The following UNC13B variants were observed in gnomAD, a reference collection of about 807,000 sequenced individuals.
UNC13B encodes the protein protein unc-13 homolog B.
Under a neutral mutation model 211.0 loss-of-function variants are expected in UNC13B, and 144 were observed. The ratio of observed to expected loss-of-function variants is 0.68; its 90% CI spans 0.60 to 0.78. The LOEUF (loss-of-function observed/expected upper bound fraction) is 0.78. Among genes scored for constraint, UNC13B ranks in the 30% least tolerant of loss-of-function variants. The pLI is 0.00. For missense variants in UNC13B, 1,777 were observed against 2,002.0 expected (o/e 0.89, Z 2.14); for synonymous variants, 709 against 725.8 (o/e 0.98, Z 0.37).
At chr9:35,376,573 C>A (rs979246314) in intron 15 of UNC13B, among the ~76,000 whole-genome samples, 3 of 152,166 alleles carry the variant, frequency 2.0e-5, no homozygotes, top group African/African-American at 7.2e-5. Flanking sequence ...GTCCAAATGA[C>A]AAAAGCATCA....
At chr9:35,298,148 G>GTGAC (rs1236619595) in intron 8 of UNC13B, among the ~76,000 whole-genome samples, 1 of 152,196 alleles carries the variant, frequency 6.6e-6, no homozygotes, top group Admixed American at 6.5e-5. Context: ...GCTAGGTGCA[G>GTGAC]TGACTGATGC....
intron 1 of UNC13B, among the ~76,000 whole-genome samples, chr9:35,197,870 G>A (rs1350535228): frequency 6.6e-6 from 1 of 152,064 alleles, no homozygotes; most frequent in East Asian, 1.9e-4. Context: ...TGTACAGCCT[G>A]TGGAACTGTG....
chr9:35,308,973 A>C (rs58682786), intron 9 of UNC13B, among the ~76,000 whole-genome samples: 1 of 152,140 alleles, frequency 6.6e-6, no homozygotes, highest in African/African-American at 2.4e-5. Flanking sequence ...ACAGATTTGC[A>C]TAGTTTCTTC....
At chr9:35,172,550 T>G (rs995784111) in intron 1 of UNC13B, among the ~76,000 whole-genome samples, 40 of 152,214 alleles carry the variant, frequency 2.6e-4, no homozygotes, top group African/African-American at 8.7e-4. Flanking sequence ...GCATTTCCTG[T>G]TTTGTTGCAG....
intron 7 of UNC13B, among the ~76,000 whole-genome samples, chr9:35,261,279 A>C (rs1238006465): frequency 1.3e-5 from 2 of 152,172 alleles, no homozygotes; most frequent in African/African-American, 4.8e-5. Context: ...ATTTGAATAT[A>C]AGCTGCACAT....
chr9:35,332,771 A>G lies in UNC13B; in HGVS notation c.9414+18782A>G, dbSNP rs1831445810. ...CTTTGAAGCCTTTCCCAAAGTGCCC[A>G]GGCCAAGTTAGAGTCTCATCTTTTA... On this transcript the variant is annotated intron_variant, in intron 11 of 39. Coordinates refer to ENST00000635942, the MANE Select transcript of UNC13B (RefSeq NM_001371189.2). Among the ~76,000 whole-genome samples the G allele has an allele frequency of 2.0e-5, 3 of 152,358 alleles. No homozygotes were observed. In the South Asian group the frequency reaches 6.2e-4, roughly 32 times the overall value.
chr9:35,397,784 C>T, intron 30 of UNC13B, 72 bp downstream of exon 30: 2 of 1,540,416 alleles, frequency 1.3e-6, no homozygotes, highest in Non-Finnish European at 1.8e-6. Flanking sequence ...TGAAGCTGTC[C>T]TCAGAATTGA....
Position 35,307,478 on chromosome 9 carries a change from C to T in UNC13B, c.8074C>T (p.Leu2692=). The T allele has an allele frequency of 5.0e-6, 2 of 399,090 alleles. No homozygotes were observed. The highest frequency in any genetic ancestry group is 8.8e-6 in the Non-Finnish European group (2 of 226,106). 24.7% of individuals were successfully genotyped at this position (399,090 alleles called of 1,614,324 possible). A position where few individuals can be genotyped will look rare whatever the true frequency, so the allele number is the denominator to read the frequency against. ...IQTASTNQDL[L]ELHPASSLET... The stretch of plus-strand genomic sequence containing the variant: ...AACTGCCTCCACAAACCAAGACTTA[C>T]TGGAGCTGCATCCAGCCAGTTCACT... Residue 2692 remains leucine (L), a synonymous_variant, in exon 9 of 40, where the codon CTG becomes TTG. Transcript: ENST00000635942.
At chr9:35,328,670 CCCTTCCTTCCCTTCCCTTT>C (rs1831186321) in intron 11 of UNC13B, among the ~76,000 whole-genome samples, 4 of 95,600 alleles carry the variant, frequency 4.2e-5, no homozygotes, top group African/African-American at 5.8e-5. Flanking sequence ...CTTCCTCCCT[CCCTTCCTTCCCTTCCCTTT>C]CTTCCTCCCT....
chr9:35,251,112 G>A (rs1232831847), intron 6 of UNC13B, among the ~76,000 whole-genome samples: 2 of 151,780 alleles, frequency 1.3e-5, no homozygotes, highest in African/African-American at 2.4e-5. Flanking sequence ...ACTGGCACCC[G>A]CCACCGCACC....
rs770897087 is a variant in UNC13B, at chr9:35,403,879, G to T, written c.12869G>T (p.Ser4290Ile). The change falls in exon 40 of 40, where the codon AGC becomes ATC. Residue 4290 changes from serine (S) to isoleucine (I), a missense_variant. Coordinates refer to ENST00000635942, the MANE Select transcript of UNC13B (RefSeq NM_001371189.2). ...MPLRDVTAKG[S>I]CACWCPLGRK... ...CTGAGGGATGTCACAGCCAAGGGCA[G>T]CTGTGCCTGCTGGTGCCCCTTGGGC... 24 of 1,614,094 alleles carry T rather than the reference G, an allele frequency of 1.5e-5. No homozygotes were observed. The highest frequency in any genetic ancestry group is 1.9e-5 in the Non-Finnish European group (22 of 1,180,040).
At chr9:35,319,603 G>T (rs1349502770) in intron 11 of UNC13B, among the ~76,000 whole-genome samples, 7 of 151,266 alleles carry the variant, frequency 4.6e-5, no homozygotes, top group Non-Finnish European at 1.0e-4. Flanking sequence ...AGTGTCTATT[G>T]TTCCCATATT....
At chr9:35,173,247 G>C (rs1167848302) in intron 1 of UNC13B, among the ~76,000 whole-genome samples, 3 of 152,074 alleles carry the variant, frequency 2.0e-5, no homozygotes, top group Non-Finnish European at 4.4e-5. Flanking sequence ...GCAAATTTTA[G>C]AGACTTTGTC....
intron 37 of UNC13B, among the ~76,000 whole-genome samples, chr9:35,402,158 A>G (rs1836347202): frequency 6.6e-6 from 1 of 152,112 alleles, no homozygotes; most frequent in South Asian, 2.1e-4. Flanking sequence ...ATGCCTTCAT[A>G]TAGCCCAGGA....
At chr9:35,339,371 T>C (rs1248211623) in intron 11 of UNC13B, among the ~76,000 whole-genome samples, 1 of 152,168 alleles carries the variant, frequency 6.6e-6, no homozygotes, top group East Asian at 1.9e-4. Context: ...TCCACTGTGA[T>C]GAGGGGGCTG....
At chr9:35,205,335 A>G (rs1325811079) in intron 1 of UNC13B, among the ~76,000 whole-genome samples, 2 of 152,126 alleles carry the variant, frequency 1.3e-5, no homozygotes, top group Admixed American at 1.3e-4. Flanking sequence ...ACACACACAT[A>G]TATACATGCC....
chr9:35,317,981 A>G (rs1830552067), intron 11 of UNC13B, among the ~76,000 whole-genome samples: 1 of 152,186 alleles, frequency 6.6e-6, no homozygotes, highest in African/African-American at 2.4e-5. Flanking sequence ...TGTAAAAGGA[A>G]AGCTCTGAAT....
Position 35,306,490 on chromosome 9 carries a change from C to G in UNC13B, c.7086C>G (p.Phe2362Leu), listed in dbSNP as rs2770151. Reference protein sequence around the residue: ...LGIAPHEEEAFNHKAFPSDSL... With the variant: ...LGIAPHEEEALNHKAFPSDSL... Reference sequence around the variant, plus strand: ...TAGCTCCCCATGAAGAAGAGGCTTTCAACCACAAAGCCTTCCCCAGTGACT... The same window carrying G: ...TAGCTCCCCATGAAGAAGAGGCTTTGAACCACAAAGCCTTCCCCAGTGACT... Residue 2362 changes from phenylalanine (F) to leucine (L), a missense_variant, in exon 9 of 40, where the codon TTC becomes TTG. Transcript: ENST00000635942. 100,369 of 398,808 alleles carry G rather than the reference C, an allele frequency of 0.25. 13,896 individuals are homozygous for G. The highest frequency in any genetic ancestry group is 0.44 in the African/African-American group (21,304 of 48,658). 24.7% of individuals were successfully genotyped at this position (398,808 alleles called of 1,614,324 possible).
chr9:35,173,833 A>G (rs1332463081), intron 1 of UNC13B, among the ~76,000 whole-genome samples: 1 of 152,218 alleles, frequency 6.6e-6, no homozygotes, highest in Non-Finnish European at 1.5e-5. Context: ...TTAGACAGAC[A>G]TGGCTTGGTG....
Sources: gnomAD v4.1 joint callset for allele counts (sites outside exome capture counted in the v4.1 genomes callset) on GRCh38, gnomAD v4.1.1 for gene constraint, MANE v1.5 for transcripts, NCBI Gene and HGNC (gene_info 2026-07-23, HGNC 2026-07-21) for gene names.